SRSF4: variants seen among roughly 807,000 people sequenced by gnomAD.
The protein encoded by SRSF4 is serine and arginine rich splicing factor 4, also known as serine/arginine-rich splicing factor 4.
In SRSF4, 12 loss-of-function variants were observed where a neutral mutation model predicts 48.8. The ratio of observed to expected loss-of-function variants is 0.25; its 90% CI spans 0.16 to 0.40. The LOEUF (loss-of-function observed/expected upper bound fraction) is 0.40, where lower values mean the gene tolerates loss of function less well. Among genes scored for constraint, SRSF4 ranks in the 10% least tolerant of loss-of-function variants. SRSF4 has a pLI of 1.00. For missense variants in SRSF4, 466 were observed against 667.1 expected (o/e 0.70, Z 3.32); for synonymous variants, 248 against 232.5 (o/e 1.07, Z -0.61).
intron 1 of SRSF4, among the ~76,000 whole-genome samples, chr1:29,179,079 G>GA (rs1672914219): frequency 6.6e-6 from 1 of 152,082 alleles, no homozygotes; most frequent in East Asian, 1.9e-4. Context: ...GGTCCTGAAA[G>GA]GCTCTTTCCT....
chr1:29,181,459 C>T (rs1192763079), intron 1 of SRSF4, among the ~76,000 whole-genome samples, 187 bp downstream of exon 1: 2 of 152,200 alleles, frequency 1.3e-5, no homozygotes, highest in Non-Finnish European at 2.9e-5. Flanking sequence ...CTCCACCACC[C>T]CCACCCGCGC....
At chr1:29,151,625 T>G (rs895127528) in intron 4 of SRSF4, among the ~76,000 whole-genome samples, 1 of 152,220 alleles carries the variant, frequency 6.6e-6, no homozygotes, top group African/African-American at 2.4e-5. Flanking sequence ...AGATCCCGGT[T>G]AAGAAAAAAC....
chr1:29,157,338 A>G (rs1297461414), intron 3 of SRSF4, among the ~76,000 whole-genome samples: 1 of 152,188 alleles, frequency 6.6e-6, no homozygotes, highest in Non-Finnish European at 1.5e-5. Context: ...AAAAAAATTA[A>G]GAGGTTTTCT....
chr1:29,172,230 CTATT>C (rs1335590091), intron 1 of SRSF4: 12 of 152,208 alleles, frequency 7.9e-5, no homozygotes, highest in Admixed American at 4.6e-4. Context: ...AGTCCTATCT[CTATT>C]TATTATTCAT....
At chr1:29,181,897 ACGCAGCTCGCGAGCG>A (rs1672970129) in exon 1 of SRSF4, 8 of 546,416 alleles carry the variant, frequency 1.5e-5, no homozygotes, top group Non-Finnish European at 2.3e-5. Flanking sequence ...GTACGCGAGC[ACGCAGCTCGCGAGCG>A]CGCGCTTCCA....
rs528111396 is a variant in SRSF4, at chr1:29,154,937, A to T, written c.364-27T>A. 21 of 1,590,802 alleles carry T rather than the reference A, an allele frequency of 1.3e-5. No homozygotes were observed. The East Asian group carries it at 3.4e-4, about 25-fold the overall frequency. On this transcript the variant is annotated intron_variant, in intron 3 of 5. Coordinates refer to ENST00000373795, the MANE Select transcript of SRSF4 (RefSeq NM_005626.5). ...TGAAGAAAAAAAAAAGTGTGACTAC[A>T]TTAGGATATGTTTTGCTAAAATATC...
intron 5 of SRSF4, among the ~76,000 whole-genome samples, chr1:29,149,682 AG>A (rs71806205): frequency 0.1 from 9,376 of 90,438 alleles, 520 homozygotes; most frequent in African/African-American, 0.15. Flanking sequence ...CTCTGTCTTG[AG>A]GGGGGAAAAA....
At chr1:29,160,351 A>T (rs532528557) in intron 2 of SRSF4, 24 bp downstream of exon 2, 5 of 1,592,858 alleles carry the variant, frequency 3.1e-6, no homozygotes, top group Non-Finnish European at 4.3e-6. Context: ...GTTACTGATA[A>T]AAGTATGCCC....
intron 1 of SRSF4, among the ~76,000 whole-genome samples, chr1:29,161,048 T>C (rs1672587506): frequency 6.6e-6 from 1 of 152,204 alleles, no homozygotes; most frequent in Non-Finnish European, 1.5e-5. Context: ...AAAAAAAGAC[T>C]GGAGCTGTTT....
chr1:29,151,369 C>T (rs1398949090), intron 4 of SRSF4, among the ~76,000 whole-genome samples: 8 of 152,114 alleles, frequency 5.3e-5, no homozygotes, highest in Non-Finnish European at 2.9e-5. Context: ...TGGTGGCTCA[C>T]GCCTGTAATC....
At position 29,148,569 on chromosome 1, in the gene SRSF4, G is replaced by C; in HGVS notation, c.1326C>G (p.Ser442=). Residue 442 remains serine, a synonymous_variant, in exon 6 of 6, where the codon TCC becomes TCG. Transcript: ENST00000373795. ...TCGATTTGGAATTGGATCTCGACCT[G>C]GACCGGGTCTCCTGATTGGTGCCAG... is the stretch of plus-strand genomic sequence containing the variant. ...ENAGTNQETR[S]RSRSNSKSKP... 6.2e-7 allele frequency: 1 copy of C among 1,614,084 alleles called. No homozygotes were observed. The highest frequency in any genetic ancestry group is 8.5e-7 in the Non-Finnish European group (1 of 1,180,012).
chr1:29,161,020 C>T (rs1672586966), intron 1 of SRSF4, among the ~76,000 whole-genome samples: 1 of 152,094 alleles, frequency 6.6e-6, no homozygotes, highest in South Asian at 2.1e-4. Context: ...ACACATCTGT[C>T]ACATGTGATT....
Position 29,160,434 on chromosome 1 carries a change from C to T in SRSF4, c.191G>A (p.Arg64Gln), listed in dbSNP as rs746860036. The change falls in exon 2 of 6, where the codon CGA becomes CAA. Residue 64 changes from arginine (R) to glutamine (Q), a missense_variant. Around this residue, in one of 2 missense-constraint regions of SRSF4, gnomAD observed 64 missense variants for 230.2 expected, o/e 0.28. Transcript: ENST00000373795. ...ELNGKDLCGE[R>Q]VIVEHARGPR... ...GCCGCGGGCATGCTCAACAATTACT[C>T]GCTCACCACAAAGGTCTTTGCCATT... is the stretch of plus-strand genomic sequence containing the variant. 5.0e-6 allele frequency: 8 copies of T among 1,613,938 alleles called. No homozygotes were observed. Among genetic ancestry groups the T allele is most frequent in the Non-Finnish European group, 5.9e-6 (7 of 1,179,954 alleles).
intron 3 of SRSF4, among the ~76,000 whole-genome samples, chr1:29,157,710 TA>T (rs1672521846): frequency 6.6e-6 from 1 of 152,188 alleles, no homozygotes; most frequent in South Asian, 2.1e-4. Flanking sequence ...TTCCTGAACC[TA>T]AATACACTTC....
intron 1 of SRSF4, among the ~76,000 whole-genome samples, chr1:29,175,554 G>A (rs1672827532): frequency 6.7e-6 from 1 of 149,844 alleles, no homozygotes; most frequent in Non-Finnish European, 1.5e-5. Context: ...AATTAGCCGG[G>A]AGCGGTGGCG....
At chr1:29,172,393 G>GCGGTT (rs1672757274) in intron 1 of SRSF4, 1 of 152,178 alleles carries the variant, frequency 6.6e-6, no homozygotes, top group Admixed American at 6.6e-5. Flanking sequence ...CCGGGTTCAA[G>GCGGTT]CGGTTCTCCT....
intron 5 of SRSF4, 143 bp downstream of exon 5, chr1:29,149,960 T>C: frequency 1.6e-6 from 1 of 640,972 alleles, no homozygotes; most frequent in African/African-American, 1.8e-5. Flanking sequence ...CCCAGTGAGG[T>C]GAGGCTGCAG....
At chr1:29,175,322 A>G (rs192344208) in intron 1 of SRSF4, among the ~76,000 whole-genome samples, 5 of 152,072 alleles carry the variant, frequency 3.3e-5, no homozygotes, top group African/African-American at 9.6e-5. Context: ...CTGAGGCAGC[A>G]GAATCGCTTG....
chr1:29,172,406 C>T (rs1672757619), intron 1 of SRSF4: 1 of 152,186 alleles, frequency 6.6e-6, no homozygotes, highest in Non-Finnish European at 1.5e-5. Flanking sequence ...GTTCTCCTGC[C>T]TCAGCCTCCC....
Sources: allele counts gnomAD v4.1 joint callset (sites outside exome capture counted in the v4.1 genomes callset), GRCh38; gene constraint gnomAD v4.1.1; regional missense constraint gnomAD v4.1.1; transcripts MANE v1.5; gene names NCBI Gene and HGNC (gene_info 2026-07-23, HGNC 2026-07-21).